CSMD2: variants seen among roughly 807,000 people sequenced by gnomAD.
CSMD2 encodes the protein CUB and Sushi multiple domains 2.
Under a neutral mutation model 398.5 loss-of-function variants are expected in CSMD2, and 130 were observed. The observed-to-expected ratio is 0.33, with a 90% CI of 0.28 to 0.38. CSMD2 has a LOEUF of 0.38. Ranked by LOEUF, CSMD2 falls within the 10% of genes least tolerant of loss-of-function variation. The pLI is 1.00. For synonymous variants in CSMD2, 1,828 were observed against 1,908.5 expected (o/e 0.96, Z 1.10); for missense variants, 3,829 against 4,764.9 (o/e 0.80, Z 5.78).
At chr1:33,950,242 C>T (rs77261614) in intron 3 of CSMD2, among the ~76,000 whole-genome samples, 7,802 of 152,226 alleles carry the variant, frequency 0.051, 246 homozygotes, top group Non-Finnish European at 0.072. Context: ...CTCCTAAAAG[C>T]GCTTCAGTTG....
intron 3 of CSMD2, among the ~76,000 whole-genome samples, chr1:34,020,917 G>C (rs1361105389): frequency 6.6e-6 from 1 of 152,098 alleles, no homozygotes; most frequent in Admixed American, 6.5e-5. Context: ...GAGGATAAAG[G>C]ACTGTGAAAC....
At chr1:33,869,039 A>T (rs1370444212) in intron 5 of CSMD2, 1 of 152,274 alleles carries the variant, frequency 6.6e-6, no homozygotes, top group African/African-American at 2.4e-5. Context: ...GGGAGGCCGG[A>T]GCAACTGGAG....
chr1:33,687,409 A>G (rs1238488422), intron 25 of CSMD2, among the ~76,000 whole-genome samples: 1 of 152,246 alleles, frequency 6.6e-6, no homozygotes, highest in Non-Finnish European at 1.5e-5. Flanking sequence ...TCCAAAACAA[A>G]AAGAGGGTAA....
chr1:33,991,916 TA>T (rs1646567155), intron 3 of CSMD2, among the ~76,000 whole-genome samples: 1 of 150,538 alleles, frequency 6.6e-6, no homozygotes, highest in Non-Finnish European at 1.5e-5. Context: ...GGGCAGGAGA[TA>T]TGAACAGGTA....
intron 48 of CSMD2, among the ~76,000 whole-genome samples, 155 bp downstream of exon 48, chr1:33,580,598 A>T (rs1461255296): frequency 6.6e-6 from 1 of 152,180 alleles, no homozygotes; most frequent in Non-Finnish European, 1.5e-5. Context: ...CAAGAGGGGA[A>T]TGGAATAGAA....
At chr1:33,532,024 G>C (rs1035328212) in intron 64 of CSMD2, among the ~76,000 whole-genome samples, 3 of 152,170 alleles carry the variant, frequency 2.0e-5, no homozygotes, top group African/African-American at 4.8e-5. Context: ...TATCACTACT[G>C]TATGTGGAAA....
chr1:33,601,662 G>T (rs116033988), intron 43 of CSMD2, among the ~76,000 whole-genome samples: 89 of 152,292 alleles, frequency 5.8e-4, no homozygotes, highest in Admixed American at 2.4e-3. Flanking sequence ...AGATCCAGTG[G>T]TTTGGGAAGA....
At chr1:33,668,888 G>A (rs1193083588) in intron 25 of CSMD2, among the ~76,000 whole-genome samples, 1 of 152,194 alleles carries the variant, frequency 6.6e-6, no homozygotes, top group Non-Finnish European at 1.5e-5. Flanking sequence ...TTGCCCTGGA[G>A]GAAACTTACT....
chr1:33,691,944 T>C (rs1645255919), intron 25 of CSMD2, among the ~76,000 whole-genome samples: 1 of 152,180 alleles, frequency 6.6e-6, no homozygotes, highest in Non-Finnish European at 1.5e-5. Context: ...CTAACTCACC[T>C]GAGCCATGGC....
intron 1 of CSMD2, among the ~76,000 whole-genome samples, chr1:34,149,422 C>A (rs1282512412): frequency 2.0e-5 from 3 of 152,192 alleles, no homozygotes; most frequent in African/African-American, 4.8e-5. Flanking sequence ...AGCTGCCCCC[C>A]ACCAACAGGC....
chr1:33,896,827 G>A (rs1642418886), intron 5 of CSMD2, among the ~76,000 whole-genome samples: 1 of 152,050 alleles, frequency 6.6e-6, no homozygotes, highest in Non-Finnish European at 1.5e-5. Flanking sequence ...AAATAGGGGA[G>A]GGAGTCAGAT....
At chr1:33,580,612 TAGG>T (rs1435489802) in intron 48 of CSMD2, 138 bp downstream of exon 48, 1 of 757,384 alleles carries the variant, frequency 1.3e-6, no homozygotes, top group Non-Finnish European at 2.1e-6. Flanking sequence ...AATAGAAAAA[TAGG>T]AGGTAGGGGA....
intron 1 of CSMD2, among the ~76,000 whole-genome samples, chr1:34,110,518 A>G (rs868234582): frequency 2.6e-5 from 4 of 152,216 alleles, no homozygotes; most frequent in South Asian, 2.1e-4. Flanking sequence ...AGCCATAAAA[A>G]AAAAACCAAG....
rs1170672207 is a variant in CSMD2, at chr1:33,600,092, C to T, written c.6856+773G>A. 5 of 686,838 alleles carry T rather than the reference C, an allele frequency of 7.3e-6. No homozygotes were observed. The African/African-American group carries it at 9.0e-5, about 12-fold the overall frequency. The allele number at this position is 686,838 out of a possible 1,614,324, so 42.5% of individuals were successfully genotyped here. On this transcript the variant is annotated intron_variant, in intron 44 of 70. Transcript: ENST00000373381. ...ACTACCTCACAGAATTCTTACAGGT[C>T]ACAAACTCCAAGCCGGTAATTCTAC...
rs1370069047 is a variant in CSMD2, at chr1:33,542,877, A to C, written c.9120T>G (p.Pro3040=). ...PECGVISCGN[P]GTPSNARVVF... is the part of the protein sequence containing the mutation. ...CAACTCGGGCATTACTTGGAGTCCC[A>C]GGGTTCCCACAAGAGATCACTAGGA... is the stretch of plus-strand genomic sequence containing the variant. Residue 3040 remains proline, a synonymous_variant, in exon 58 of 71, where the codon CCT becomes CCG. Transcript: ENST00000373381. The C allele has an allele frequency of 1.2e-6, 2 of 1,614,170 alleles. No individual in the cohort carries two copies. Among genetic ancestry groups the C allele is most frequent in the Non-Finnish European group, 1.7e-6 (2 of 1,180,002 alleles).
Position 33,533,240 on chromosome 1 carries a change from G to T in CSMD2, c.9992-11C>A, listed in dbSNP as rs1421721104. Reference sequence around the variant, plus strand: ...GCCTGCAGTGGTGGGCTGGATGAGAGGAAAGACCCTGTTGGACTGGAGGAG... The same window carrying T: ...GCCTGCAGTGGTGGGCTGGATGAGATGAAAGACCCTGTTGGACTGGAGGAG... On this transcript the variant is annotated splice_polypyrimidine_tract_variant and intron_variant, in intron 63 of 70. Coordinates refer to ENST00000373381, the MANE Select transcript of CSMD2 (RefSeq NM_001281956.2). This position sits in a 1 kb window ranked among gnomAD's most constrained non-coding sequence, Gnocchi z 4.2. 1.9e-6 allele frequency: 3 copies of T among 1,612,996 alleles called. No homozygotes were observed. The highest frequency in any genetic ancestry group is 2.5e-6 in the Non-Finnish European group (3 of 1,179,736).
At chr1:33,546,412 G>A (rs759192385) in intron 56 of CSMD2, among the ~76,000 whole-genome samples, 193 bp from the exon 57 acceptor site, 1 of 152,170 alleles carries the variant, frequency 6.6e-6, no homozygotes, top group East Asian at 1.9e-4. Context: ...TGAGGCCATG[G>A]GTAAGTCCCT....
chr1:33,585,804 AG>A (rs1459009105), intron 46 of CSMD2, among the ~76,000 whole-genome samples: 22 of 152,258 alleles, frequency 1.4e-4, no homozygotes, highest in African/African-American at 4.6e-4. Flanking sequence ...TTCTAGAAAC[AG>A]TAGTCGCACT....
At position 33,519,918 on chromosome 1, in the gene CSMD2, T is replaced by C. The variant is rs754810422; in HGVS notation, c.10630A>G (p.Ile3544Val). ...LRLLESDPES[I>V]GRHFASNSSS... ...CTGTTGGAAGCAAAGTGGCGGCCAA[T>C]GGACTCGGGGTCTGACTCCAGCAGC... The change falls in exon 69 of 71, where the codon ATT becomes GTT. Residue 3544 changes from isoleucine (I) to valine (V), a missense_variant. By Grantham distance (29) the Ile-to-Val change is conservative (BLOSUM62 3). This residue lies in a region of CSMD2 where 917 missense variants were observed against 1,199.5 expected (regional missense o/e 0.76). Coordinates refer to ENST00000373381, the MANE Select transcript of CSMD2 (RefSeq NM_001281956.2). This position sits in a 1 kb window ranked among gnomAD's most constrained non-coding sequence, Gnocchi z 5.6. The C allele has an allele frequency of 1.4e-5, 23 of 1,614,046 alleles. No homozygotes were observed. In the South Asian group the frequency reaches 2.3e-4, roughly 16 times the overall value.
Sources: allele counts gnomAD v4.1 joint callset (sites outside exome capture counted in the v4.1 genomes callset), GRCh38; gene constraint gnomAD v4.1.1; regional missense constraint gnomAD v4.1.1; non-coding constraint Gnocchi (gnomAD v3.1); transcripts MANE v1.5; gene names NCBI Gene and HGNC (gene_info 2026-07-23, HGNC 2026-07-21).